Variants in HIVEP3 observed in about 807,000 individuals in gnomAD.
HIVEP3 encodes the protein transcription factor HIVEP3.
HIVEP3 carries 49 observed loss-of-function variants against 152.8 expected under a neutral mutation model. The ratio of observed to expected loss-of-function variants is 0.32; its 90% CI spans 0.26 to 0.41. The LOEUF is 0.41. HIVEP3 is among the 10% of genes least tolerant of loss of function. The pLI, the probability that HIVEP3 is intolerant of heterozygous loss-of-function variation, is 1.00. For synonymous variants in HIVEP3, 1,269 were observed against 1,289.0 expected (o/e 0.98, Z 0.33); for missense variants, 2,790 against 3,103.3 (o/e 0.90, Z 2.40).
Position 41,702,357 on chromosome 1 carries a change from A to C in HIVEP3, c.-800-1362T>G, listed in dbSNP as rs74070551. On this transcript the variant is annotated intron_variant, in intron 1 of 8. Coordinates refer to ENST00000372583, the MANE Select transcript of HIVEP3 (RefSeq NM_024503.5). Reference sequence around the variant, plus strand: ...CCTTATAATAGAGTTATTTGTATCCACACTTAAAATACCTTATAATAGAGT... The same window carrying C: ...CCTTATAATAGAGTTATTTGTATCCCCACTTAAAATACCTTATAATAGAGT... 1.1e-3 allele frequency among the ~76,000 whole-genome samples: 167 copies of C among 152,292 alleles called. 1 individual carries two copies. The highest frequency in any genetic ancestry group is 3.6e-3 in the African/African-American group (148 of 41,556).
intron 5 of HIVEP3, among the ~76,000 whole-genome samples, chr1:41,529,121 C>T (rs61720571): frequency 0.37 from 33,588 of 91,874 alleles, 7,447 homozygotes; most frequent in Non-Finnish European, 0.41. Context: ...CACCCCCACA[C>T]GCCCTCACAC....
intron 1 of HIVEP3, among the ~76,000 whole-genome samples, chr1:41,854,256 C>A (rs931025928): frequency 2.0e-5 from 3 of 152,176 alleles, no homozygotes; most frequent in Admixed American, 2.0e-4. Context: ...CAGGGCCACC[C>A]AGCAGGCGCT....
intron 5 of HIVEP3, among the ~76,000 whole-genome samples, chr1:41,553,963 A>G (rs570359194): frequency 1.3e-5 from 2 of 152,126 alleles, no homozygotes; most frequent in East Asian, 1.9e-4. Flanking sequence ...TGAATTATCA[A>G]ATTGTGTGTC....
chr1:41,892,659 C>A (rs1382003998), intron 1 of HIVEP3, among the ~76,000 whole-genome samples: 4 of 152,196 alleles, frequency 2.6e-5, no homozygotes, highest in African/African-American at 9.6e-5. Context: ...CACTGTGACT[C>A]CAGTTAAATC....
chr1:41,512,967 G>T lies in HIVEP3; in HGVS notation c.6254C>A (p.Pro2085Gln). ...CCCAGCCAAGGCCCACTTCCCTGGC[G>T]GCGCTGACCGTGGTGGTGACTCGGC... ...GQAESPPRSA[P>Q]PGKWALAGPG... The change falls in exon 8 of 9, where the codon CCG (proline) becomes CAG (glutamine). Residue 2085 changes from proline (P) to glutamine (Q), a missense_variant. Coordinates refer to ENST00000372583, the MANE Select transcript of HIVEP3 (RefSeq NM_024503.5). The T allele has an allele frequency of 6.2e-7, 1 of 1,611,890 alleles. No homozygotes were observed. The highest frequency in any genetic ancestry group is 1.1e-5 in the South Asian group (1 of 90,778).
chr1:41,510,603 A>G lies in HIVEP3; in HGVS notation c.7069T>C (p.Cys2357Arg), dbSNP rs1234397313. 4.2e-5 allele frequency: 65 copies of G among 1,555,306 alleles called. No individual in the cohort carries two copies. Among genetic ancestry groups the G allele is most frequent in the Non-Finnish European group, 5.7e-5 (65 of 1,150,152 alleles). ...AAGCGGGCAGAGGCCTCTGCCAGGC[A>G]GCCCACAGAGCTGCTGCGGTCCAGC... ...PPLDRSSSVG[C>R]LAEASARFPA... Residue 2357 changes from cysteine to arginine, a missense_variant, in exon 9 of 9, where the codon TGC (cysteine) becomes CGC (arginine). Around this residue, in one of 9 missense-constraint regions of HIVEP3, gnomAD observed 816 missense variants for 806.5 expected, o/e 1.01. Coordinates refer to ENST00000372583, the MANE Select transcript of HIVEP3 (RefSeq NM_024503.5).
chr1:41,916,482 C>G (rs1430603992), intron 1 of HIVEP3, among the ~76,000 whole-genome samples: 1 of 152,124 alleles, frequency 6.6e-6, no homozygotes, highest in Non-Finnish European at 1.5e-5. Flanking sequence ...CCTGTGGGTG[C>G]CTTAACTAGA....
At chr1:41,765,664 T>G (rs1267434976) in intron 1 of HIVEP3, among the ~76,000 whole-genome samples, 5 of 152,314 alleles carry the variant, frequency 3.3e-5, no homozygotes, top group Non-Finnish European at 1.5e-5. Flanking sequence ...GCTGTAAGCC[T>G]TAGACCTTCT....
At chr1:41,514,425 G>A (rs941435648) in intron 7 of HIVEP3, among the ~76,000 whole-genome samples, 1 of 152,210 alleles carries the variant, frequency 6.6e-6, no homozygotes, top group African/African-American at 2.4e-5. Context: ...AGAGCCATCC[G>A]TGGTCAGTGT....
chr1:41,920,412 G>A (rs534937821), upstream of HIVEP3, among the ~76,000 whole-genome samples: 1 of 152,140 alleles, frequency 6.6e-6, no homozygotes, highest in African/African-American at 2.4e-5. Flanking sequence ...GGGCTGCGAG[G>A]GGATGGTGAA....
intron 1 of HIVEP3, among the ~76,000 whole-genome samples, chr1:41,708,831 C>G (rs544902179): frequency 1.4e-3 from 220 of 152,170 alleles, no homozygotes; most frequent in Non-Finnish European, 2.6e-3. Flanking sequence ...TAGAAGCAAC[C>G]TAGTAGCCAT....
rs750404363 is a variant in HIVEP3 at position 41,510,907 on chromosome 1, C to T, written c.6765G>A (p.Ser2255=). 22 of 1,613,394 alleles carry T rather than the reference C, an allele frequency of 1.4e-5. No homozygotes were observed. The highest frequency in any genetic ancestry group is 3.3e-5 in the Admixed American group (2 of 60,004). The part of the protein sequence containing the change: ...SPTESSSASV[S]PVAKVSKFTL... ...TGAATTTGGAGACCTTAGCCACAGG[C>T]GACACGGAGGCTGACGAGCTCTCAG... The change falls in exon 9 of 9, where the codon TCG becomes TCA. Residue 2255 remains serine (S), a synonymous_variant. Coordinates refer to ENST00000372583, the MANE Select transcript of HIVEP3 (RefSeq NM_024503.5).
intron 1 of HIVEP3, among the ~76,000 whole-genome samples, chr1:41,927,717 A>C (rs1034352823): frequency 6.6e-6 from 1 of 152,196 alleles, no homozygotes; most frequent in African/African-American, 2.4e-5. Flanking sequence ...AAAAGCAAGG[A>C]GAAAAAAAAC....
At chr1:41,843,004 T>C (rs1643333661) in intron 1 of HIVEP3, among the ~76,000 whole-genome samples, 1 of 152,214 alleles carries the variant, frequency 6.6e-6, no homozygotes, top group African/African-American at 2.4e-5. Flanking sequence ...TCAAAAGCAA[T>C]GTACCCTGGA....
At chr1:41,891,420 C>T (rs532216283) in intron 1 of HIVEP3, among the ~76,000 whole-genome samples, 1 of 152,342 alleles carries the variant, frequency 6.6e-6, no homozygotes, top group African/African-American at 2.4e-5. Flanking sequence ...AACTGTGCTT[C>T]CTGACAATGA....
At chr1:41,930,433 A>G (rs1204235016) in intron 1 of HIVEP3, among the ~76,000 whole-genome samples, 1 of 152,212 alleles carries the variant, frequency 6.6e-6, no homozygotes, top group Admixed American at 6.5e-5. Context: ...AGATTCATCC[A>G]TGATGTTGCA....
chr1:41,733,795 TC>T (rs1363909096), intron 1 of HIVEP3, among the ~76,000 whole-genome samples: 1 of 152,084 alleles, frequency 6.6e-6, no homozygotes, highest in Non-Finnish European at 1.5e-5. Flanking sequence ...ACTCTCTTTG[TC>T]CCCCTGCCAC....
chr1:41,676,288 G>C (rs1645954392), intron 2 of HIVEP3, among the ~76,000 whole-genome samples: 1 of 152,154 alleles, frequency 6.6e-6, no homozygotes, highest in African/African-American at 2.4e-5. Flanking sequence ...CTGACCTCGT[G>C]ATCCATCTGC....
chr1:41,873,964 C>T lies in HIVEP3; in HGVS notation c.-801+44449G>A, dbSNP rs1644125069. ...AGCTGCAGGCCCTCCTTCCCACCCT[C>T]GCTTCCCTTCTCCTCCACACTGTCA... On this transcript the variant is annotated intron_variant, in intron 1 of 8. Transcript: ENST00000372583. The surrounding 1 kb of genome is among the most constrained non-coding windows in gnomAD (Gnocchi z 4.2). Among the ~76,000 whole-genome samples the T allele has an allele frequency of 6.6e-6, 1 of 152,188 alleles. No homozygotes were observed. The highest frequency in any genetic ancestry group is 2.4e-5 in the African/African-American group (1 of 41,444).
Sources: gnomAD v4.1 joint callset for allele counts (sites outside exome capture counted in the v4.1 genomes callset) on GRCh38, gnomAD v4.1.1 for gene constraint, gnomAD v4.1.1 regional missense constraint, Gnocchi (gnomAD v3.1) non-coding constraint, MANE v1.5 for transcripts, NCBI Gene and HGNC (gene_info 2026-07-23, HGNC 2026-07-21) for gene names.